Variants in SLC6A17 observed in about 807,000 individuals in gnomAD.
The protein encoded by SLC6A17 is solute carrier family 6 member 17.
A neutral mutation model predicts 64.5 loss-of-function variants in SLC6A17; 21 were observed. The observed-to-expected ratio is 0.33, with a 90% CI of 0.23 to 0.47. The LOEUF (loss-of-function observed/expected upper bound fraction) is 0.47, where lower values mean the gene tolerates loss of function less well. Ranked by LOEUF, SLC6A17 falls within the 20% of genes least tolerant of loss-of-function variation. The pLI, the probability that SLC6A17 is intolerant of heterozygous loss-of-function variation, is 1.00. For synonymous variants in SLC6A17, 372 were observed against 399.5 expected (o/e 0.93, Z 0.82); for missense variants, 682 against 963.2 (o/e 0.71, Z 3.86).
At chr1:110,161,418 G>A (rs1005022287) in intron 1 of SLC6A17, among the ~76,000 whole-genome samples, 2 of 152,138 alleles carry the variant, frequency 1.3e-5, no homozygotes, top group Non-Finnish European at 2.9e-5. Flanking sequence ...GGGCTCTTCA[G>A]GGTGCCTGTT....
At chr1:110,190,695 ACT>A (rs1238508904) in intron 6 of SLC6A17, among the ~76,000 whole-genome samples, 1 of 152,126 alleles carries the variant, frequency 6.6e-6, no homozygotes, top group East Asian at 1.9e-4. Context: ...AGGGAAGTGA[ACT>A]CTCTGAATTG....
chr1:110,181,463 G>T (rs950897627), intron 6 of SLC6A17, among the ~76,000 whole-genome samples: 1 of 152,192 alleles, frequency 6.6e-6, no homozygotes, highest in Non-Finnish European at 1.5e-5. Flanking sequence ...CACCTGTTAC[G>T]TGCACTGTTC....
Position 110,191,961 on chromosome 1 carries a change from T to C in SLC6A17, c.865-11T>C, listed in dbSNP as rs763003125. 6.2e-7 allele frequency: 1 copy of C among 1,611,266 alleles called. No individual in the cohort carries two copies. The highest frequency in any genetic ancestry group is 1.7e-5 in the Admixed American group (1 of 59,930). ...CTCTTTTCTTCCTCCTGCCTTGGTC[T>C]TCTGCCATAGCTGGACAAGATGCTG... On this transcript the variant is annotated splice_polypyrimidine_tract_variant and intron_variant, in intron 6 of 11. Transcript: ENST00000331565.
chr1:110,168,950 C>G (rs1400895101), intron 2 of SLC6A17, among the ~76,000 whole-genome samples: 1 of 152,194 alleles, frequency 6.6e-6, no homozygotes, highest in African/African-American at 2.4e-5. Context: ...CACATTCCTG[C>G]CTTCCTTTTT....
In SLC6A17 at chr1:110,199,670, C is replaced by T. The variant is rs1416408105; in HGVS notation, c.*1226C>T. The T allele has an allele frequency of 3.2e-5, 10 of 316,880 alleles. No homozygotes were observed. Among genetic ancestry groups the T allele is most frequent in the Non-Finnish European group, 2.9e-5 (5 of 173,698 alleles). The allele number at this position is 316,880 out of a possible 1,614,324, so 19.6% of individuals were successfully genotyped here. A position where few individuals can be genotyped will look rare whatever the true frequency, so the allele number is the denominator to read the frequency against. Reference sequence around the variant, plus strand: ...TAGGCAGTGCTGTGGACAGTAGAGGCTGCCAAAGGCAAGGGCTGGTCTTCA... The same window carrying T: ...TAGGCAGTGCTGTGGACAGTAGAGGTTGCCAAAGGCAAGGGCTGGTCTTCA... On this transcript the variant is annotated 3_prime_UTR_variant, in exon 12 of 12. Transcript: ENST00000331565.
chr1:110,155,849 A>G (rs916834516), intron 1 of SLC6A17, among the ~76,000 whole-genome samples: 3 of 152,218 alleles, frequency 2.0e-5, no homozygotes, highest in Admixed American at 6.5e-5. Flanking sequence ...TTCTTTAATT[A>G]TAAGACTCCT....
Position 110,176,646 on chromosome 1 carries a change from C to T in SLC6A17, c.771C>T (p.Ser257=), listed in dbSNP as rs1327933736. The T allele has an allele frequency of 6.2e-7, 1 of 1,614,074 alleles. No homozygotes were observed. Among genetic ancestry groups the T allele is most frequent in the African/African-American group, 1.3e-5 (1 of 75,022 alleles). ...QSSGKVMYFS[S]LFPYVVLACF... is the part of the protein sequence containing the mutation. ...CTCTGCAGGTGATGTATTTCAGCTCCCTCTTCCCCTACGTGGTGCTGGCCT... is the reference window on the plus strand; with the variant it reads ...CTCTGCAGGTGATGTATTTCAGCTCTCTCTTCCCCTACGTGGTGCTGGCCT... The change falls in exon 6 of 12, where the codon TCC becomes TCT. Residue 257 remains serine, a synonymous_variant. Transcript: ENST00000331565.
At chr1:110,196,324 C>G (rs1301625738) in intron 10 of SLC6A17, among the ~76,000 whole-genome samples, 1 of 152,214 alleles carries the variant, frequency 6.6e-6, no homozygotes, top group Non-Finnish European at 1.5e-5. Flanking sequence ...CTGACTCACT[C>G]AGCATCGACC....
At chr1:110,173,858 T>G in intron 3 of SLC6A17, 115 bp from the exon 4 acceptor site, 83 of 1,460,118 alleles carry the variant, frequency 5.7e-5, no homozygotes, top group Non-Finnish European at 6.9e-5. Flanking sequence ...TTGCCTCTCT[T>G]GAGGCTGTGC....
intron 6 of SLC6A17, among the ~76,000 whole-genome samples, chr1:110,183,324 G>A (rs1413875990): frequency 2.6e-5 from 4 of 152,190 alleles, no homozygotes; most frequent in Non-Finnish European, 2.9e-5. Context: ...ATTGCAACAT[G>A]CAACTCCTGA....
intron 2 of SLC6A17, among the ~76,000 whole-genome samples, chr1:110,171,459 C>T (rs1027724483): frequency 6.6e-6 from 1 of 152,310 alleles, no homozygotes; most frequent in South Asian, 2.1e-4. Flanking sequence ...CTATGCTTTC[C>T]TGAACTGCTA....
chr1:110,198,696 T>G lies in SLC6A17; in HGVS notation c.*252T>G, dbSNP rs1657038534. ...TAGCCCTCCAAGAGCCTCCGCCAAA[T>G]TGTAGCCATGTAATTGGAACAACCC... is the stretch of plus-strand genomic sequence containing the variant. On this transcript the variant is annotated 3_prime_UTR_variant, in exon 12 of 12. Coordinates refer to ENST00000331565, the MANE Select transcript of SLC6A17 (RefSeq NM_001010898.4). 3.9e-6 allele frequency: 2 copies of G among 508,466 alleles called. No individual in the cohort carries two copies. The highest frequency in any genetic ancestry group is 3.6e-5 in the East Asian group (1 of 27,720). The allele number at this position is 508,466 out of a possible 1,614,324, so 31.5% of individuals were successfully genotyped here.
At chr1:110,156,946 T>G (rs1570976830) in intron 1 of SLC6A17, among the ~76,000 whole-genome samples, 1 of 152,202 alleles carries the variant, frequency 6.6e-6, no homozygotes, top group Non-Finnish European at 1.5e-5. Flanking sequence ...AAAATCCAGG[T>G]CAGATTATTT....
chr1:110,166,000 G>T (rs940880214), intron 1 of SLC6A17, among the ~76,000 whole-genome samples: 3 of 152,218 alleles, frequency 2.0e-5, no homozygotes, highest in African/African-American at 7.2e-5. Context: ...AGACAAATGA[G>T]GACTGGCAGG....
intron 1 of SLC6A17, among the ~76,000 whole-genome samples, chr1:110,158,005 A>G (rs1273472122): frequency 2.0e-5 from 3 of 151,986 alleles, no homozygotes; most frequent in Non-Finnish European, 4.4e-5. Context: ...CATACTCTAT[A>G]TTGTATGTGT....
chr1:110,180,250 G>T (rs557748576), intron 6 of SLC6A17, among the ~76,000 whole-genome samples: 9 of 152,332 alleles, frequency 5.9e-5, no homozygotes, highest in South Asian at 2.1e-4. Context: ...AGGCCAGGTG[G>T]CAAGAGTGGA....
intron 2 of SLC6A17, among the ~76,000 whole-genome samples, chr1:110,170,348 G>A (rs896563004): frequency 1.6e-4 from 24 of 152,186 alleles, no homozygotes; most frequent in Admixed American, 1.4e-3. Context: ...GCCGGGCGTG[G>A]TGGCGGGCGC....
In SLC6A17 at chr1:110,178,892, C is replaced by T. The variant is rs75669972; in HGVS notation, c.864+2153C>T. Among the ~76,000 whole-genome samples, 354 of 152,330 alleles carry T rather than the reference C, an allele frequency of 2.3e-3. 1 individual carries two copies. Among genetic ancestry groups the T allele is most frequent in the Non-Finnish European group, 3.3e-3 (225 of 68,040 alleles). ...GGAATTTTGAAGGGATACTAACATCCAGATTATAGCAACCACTTTCCTGAA... is the reference window on the plus strand; with the variant it reads ...GGAATTTTGAAGGGATACTAACATCTAGATTATAGCAACCACTTTCCTGAA... On this transcript the variant is annotated intron_variant, in intron 6 of 11. Transcript: ENST00000331565.
chr1:110,192,771 C>T lies in SLC6A17; in HGVS notation c.1299+73C>T, dbSNP rs1656867022. 4.1e-6 allele frequency: 6 copies of T among 1,475,204 alleles called. No homozygotes were observed. The allele number at this position is 1,475,204 out of a possible 1,614,324, so 91.4% of individuals were successfully genotyped here. A position where few individuals can be genotyped will look rare whatever the true frequency, so the allele number is the denominator to read the frequency against. ...CAGCTGTGGCCGGCGGGAGCTTGGG[C>T]TCAGGCCTCAGGATGCTGACAGGTA... On this transcript the variant is annotated intron_variant, in intron 8 of 11. Transcript: ENST00000331565. The surrounding 1 kb of genome is among the most constrained non-coding windows in gnomAD (Gnocchi z 4.3).
Sources: gnomAD v4.1 joint callset for allele counts (sites outside exome capture counted in the v4.1 genomes callset) on GRCh38, gnomAD v4.1.1 for gene constraint, Gnocchi (gnomAD v3.1) non-coding constraint, MANE v1.5 for transcripts, NCBI Gene and HGNC (gene_info 2026-07-23, HGNC 2026-07-21) for gene names.